FRMD4A: variants seen among roughly 807,000 people sequenced by gnomAD.
FRMD4A encodes FERM domain containing 4A, also known as FERM domain-containing protein 4A.
A neutral mutation model predicts 129.1 loss-of-function variants in FRMD4A; 29 were observed. The ratio of observed to expected loss-of-function variants is 0.22; its 90% CI spans 0.17 to 0.31. The LOEUF is 0.31. FRMD4A is among the 10% of genes least tolerant of loss of function. The pLI, the probability that FRMD4A is intolerant of heterozygous loss-of-function variation, is 1.00. For missense variants in FRMD4A, 1,272 were observed against 1,375.8 expected (o/e 0.92, Z 1.19); for synonymous variants, 634 against 571.6 (o/e 1.11, Z -1.56).
intron 2 of FRMD4A, among the ~76,000 whole-genome samples, chr10:13,919,921 G>C (rs2095052764): frequency 6.6e-6 from 1 of 152,182 alleles, no homozygotes; most frequent in Non-Finnish European, 1.5e-5. Flanking sequence ...CTGGGTGACA[G>C]AGTCAGATCC....
intron 2 of FRMD4A, among the ~76,000 whole-genome samples, chr10:14,021,704 A>G (rs1181034341): frequency 3.9e-5 from 6 of 152,204 alleles, no homozygotes. Context: ...TTCATTTTTA[A>G]TCTGGGTGGT....
intron 2 of FRMD4A, among the ~76,000 whole-genome samples, chr10:13,869,238 T>C (rs144213704): frequency 7.6e-4 from 116 of 152,250 alleles, no homozygotes; most frequent in African/African-American, 2.7e-3. Context: ...TAATAATCAG[T>C]CTCTGGGCCT....
intron 2 of FRMD4A, among the ~76,000 whole-genome samples, chr10:14,221,454 C>A (rs1003025532): frequency 6.6e-6 from 1 of 152,140 alleles, no homozygotes; most frequent in African/African-American, 2.4e-5. Flanking sequence ...TTAGGGCCAA[C>A]CCTGAATGGC....
intron 2 of FRMD4A, among the ~76,000 whole-genome samples, chr10:14,016,847 T>C (rs967038111): frequency 7.9e-5 from 12 of 152,250 alleles, no homozygotes; most frequent in African/African-American, 2.9e-4. Flanking sequence ...CAAATATGAA[T>C]GACCCATGTG....
chr10:13,740,677 C>A, intron 9 of FRMD4A, 100 bp from the exon 10 acceptor site: 2 of 682,636 alleles, frequency 2.9e-6, no homozygotes, highest in East Asian at 2.6e-5. Context: ...ATAAGAAGCT[C>A]CAAGGCACCA....
chr10:14,298,294 T>C (rs74533444), intron 2 of FRMD4A, among the ~76,000 whole-genome samples: 17,163 of 152,212 alleles, frequency 0.11, 1,064 homozygotes, highest in Middle Eastern at 0.23. Context: ...AGGGAAGATA[T>C]AAGAAAAATC....
At chr10:14,125,335 T>C (rs566561153) in intron 2 of FRMD4A, among the ~76,000 whole-genome samples, 1 of 152,074 alleles carries the variant, frequency 6.6e-6, no homozygotes, top group South Asian at 2.1e-4. Context: ...TGCAAACCCA[T>C]TAACATGGAA....
At chr10:14,301,125 G>C (rs553689543) in intron 2 of FRMD4A, among the ~76,000 whole-genome samples, 34 of 152,304 alleles carry the variant, frequency 2.2e-4, no homozygotes, top group Admixed American at 2.0e-3. Flanking sequence ...TTGACATATT[G>C]TCACTCATAA....
chr10:13,654,823 G>A, intron 22 of FRMD4A: 1 of 427,006 alleles, frequency 2.3e-6, no homozygotes, highest in Non-Finnish European at 4.1e-6. Context: ...TAGGCATAGG[G>A]ATGGTGACGG....
intron 2 of FRMD4A, among the ~76,000 whole-genome samples, chr10:14,005,519 G>A (rs2095659178): frequency 6.6e-6 from 1 of 152,134 alleles, no homozygotes; most frequent in African/African-American, 2.4e-5. Flanking sequence ...TCGAACCTGG[G>A]CACCTAAGGG....
chr10:13,882,486 G>A (rs2094558556), intron 2 of FRMD4A, among the ~76,000 whole-genome samples: 1 of 152,176 alleles, frequency 6.6e-6, no homozygotes, highest in African/African-American at 2.4e-5. Context: ...ATCACAAAGG[G>A]AAACAGCAAA....
chr10:13,954,937 A>T (rs2457853), intron 2 of FRMD4A, among the ~76,000 whole-genome samples: 121,835 of 152,054 alleles, frequency 0.8, 49,359 homozygotes, highest in East Asian at 0.98. Flanking sequence ...TAAAAGCAAT[A>T]TGGATTTTCT....
chr10:13,840,298 G>A (rs1053818565), intron 3 of FRMD4A, among the ~76,000 whole-genome samples: 5 of 152,152 alleles, frequency 3.3e-5, no homozygotes, highest in African/African-American at 1.2e-4. Flanking sequence ...TACAGGAAAG[G>A]TCAAGTGAGG....
chr10:13,844,173 G>T (rs1211620422), intron 3 of FRMD4A, among the ~76,000 whole-genome samples: 1 of 152,006 alleles, frequency 6.6e-6, no homozygotes, highest in African/African-American at 2.4e-5. Context: ...GTATGTGAGT[G>T]TGTGTGTGTG....
At chr10:13,985,171 C>T (rs542607640) in intron 2 of FRMD4A, among the ~76,000 whole-genome samples, 8 of 152,354 alleles carry the variant, frequency 5.3e-5, no homozygotes, top group East Asian at 1.9e-4. Context: ...CTTCGCATTC[C>T]GGGCTGGAGT....
At chr10:13,982,105 C>A (rs183951808) in intron 2 of FRMD4A, among the ~76,000 whole-genome samples, 1 of 152,146 alleles carries the variant, frequency 6.6e-6, no homozygotes, top group Non-Finnish European at 1.5e-5. Flanking sequence ...AAACCAGAAC[C>A]CTTTTTTCCC....
intron 22 of FRMD4A, among the ~76,000 whole-genome samples, 186 bp downstream of exon 22, chr10:13,656,450 G>A (rs571914358): frequency 1.3e-4 from 20 of 152,272 alleles, no homozygotes; most frequent in African/African-American, 4.6e-4. Flanking sequence ...AGAACGGGGC[G>A]GGGTCAACAA....
Position 13,826,376 on chromosome 10 carries a change from T to C in FRMD4A, c.112-15468A>G, listed in dbSNP as rs572291848. 1.1e-3 allele frequency among the ~76,000 whole-genome samples: 170 copies of C among 152,292 alleles called. 4 individuals carry two copies. In the South Asian group the frequency reaches 0.034, roughly 31 times the overall value. On this transcript the variant is annotated intron_variant, in intron 3 of 24. Coordinates refer to ENST00000357447, the MANE Select transcript of FRMD4A (RefSeq NM_018027.5). Reference sequence around the variant, plus strand: ...TGGAATTAAACTTATTTGAGCAGCCTTGCCCTACACAGCATACTTTCTTAT... The same window carrying C: ...TGGAATTAAACTTATTTGAGCAGCCCTGCCCTACACAGCATACTTTCTTAT...
At chr10:13,854,510 TC>T (rs2094186599) in intron 3 of FRMD4A, among the ~76,000 whole-genome samples, 1 of 152,036 alleles carries the variant, frequency 6.6e-6, no homozygotes, top group Non-Finnish European at 1.5e-5. Flanking sequence ...AACCTCCGCC[TC>T]CCAGGTTCAA....
Sources: gnomAD v4.1 joint callset for allele counts (sites outside exome capture counted in the v4.1 genomes callset) on GRCh38, gnomAD v4.1.1 for gene constraint, MANE v1.5 for transcripts, NCBI Gene and HGNC (gene_info 2026-07-23, HGNC 2026-07-21) for gene names.